The following PPP2R3A variants were observed in gnomAD, a reference collection of about 807,000 sequenced individuals.
PPP2R3A encodes protein phosphatase 2 regulatory subunit B''alpha.
PPP2R3A carries 80 observed loss-of-function variants against 106.9 expected under a neutral mutation model. The observed-to-expected ratio is 0.75, with a 90% CI of 0.62 to 0.90. The LOEUF (loss-of-function observed/expected upper bound fraction) is 0.90. Ranked by LOEUF, PPP2R3A falls within the 40% of genes least tolerant of loss-of-function variation. The probability of loss-of-function intolerance (pLI) is 0.00; values close to 1 mark genes in which losing one functional copy is unlikely to be tolerated. For missense variants in PPP2R3A, 1,386 were observed against 1,350.4 expected (o/e 1.03, Z -0.41); for synonymous variants, 483 against 468.3 (o/e 1.03, Z -0.41).
chr3:136,003,629 T>C (rs1933738586), intron 2 of PPP2R3A, 136 bp downstream of exon 2: 2 of 713,104 alleles, frequency 2.8e-6, no homozygotes, highest in Admixed American at 6.8e-5. Flanking sequence ...ATGATCTCAC[T>C]CAGCTCAGAG....
chr3:136,087,959 A>G (rs1376747473), intron 9 of PPP2R3A, 28 bp downstream of exon 9: 1 of 1,565,044 alleles, frequency 6.4e-7, no homozygotes, highest in East Asian at 2.2e-5. Context: ...GCTGTGTTTA[A>G]AAATGAACTA....
intron 1 of PPP2R3A, among the ~76,000 whole-genome samples, chr3:135,982,391 C>T (rs371955888): frequency 6.6e-6 from 1 of 152,054 alleles, no homozygotes; most frequent in Non-Finnish European, 1.5e-5. Context: ...GTAGGATGTC[C>T]GCTGAATGAA....
intron 4 of PPP2R3A, among the ~76,000 whole-genome samples, chr3:136,048,532 C>T (rs551844519): frequency 2.1e-3 from 327 of 152,104 alleles, no homozygotes; most frequent in Middle Eastern, 0.017. Context: ...ACTAGCCAGG[C>T]GTGGTGGCAT....
At chr3:136,022,553 A>G (rs1309738864) in intron 2 of PPP2R3A, among the ~76,000 whole-genome samples, 3 of 152,122 alleles carry the variant, frequency 2.0e-5, no homozygotes, top group Non-Finnish European at 4.4e-5. Context: ...ATAAAATATT[A>G]AAGAGAAAAA....
chr3:135,988,038 C>T (rs1280180156), intron 1 of PPP2R3A, among the ~76,000 whole-genome samples: 1 of 152,048 alleles, frequency 6.6e-6, no homozygotes, highest in Non-Finnish European at 1.5e-5. Flanking sequence ...GGATCTGTCC[C>T]CTAAACTCCA....
At chr3:136,105,827 GT>G (rs1937501210) in intron 12 of PPP2R3A, among the ~76,000 whole-genome samples, 1 of 151,974 alleles carries the variant, frequency 6.6e-6, no homozygotes, top group African/African-American at 2.4e-5. Flanking sequence ...GGACGTGGTG[GT>G]ACTTGCCTGT....
intron 3 of PPP2R3A, among the ~76,000 whole-genome samples, chr3:136,030,667 T>A (rs1934838326): frequency 6.6e-6 from 1 of 151,886 alleles, no homozygotes; most frequent in Admixed American, 6.6e-5. Context: ...TTTCCATTCC[T>A]GAGTTACTTC....
At chr3:136,030,778 ATATGTATGTATGTATG>A (rs1160535378) in intron 3 of PPP2R3A, among the ~76,000 whole-genome samples, 23 of 111,304 alleles carry the variant, frequency 2.1e-4, no homozygotes, top group South Asian at 6.0e-4. Flanking sequence ...ATATATATAT[ATATGTATGTATGTATG>A]TATGTATGTA....
intron 13 of PPP2R3A, among the ~76,000 whole-genome samples, chr3:136,139,607 C>T (rs527352550): frequency 6.6e-6 from 1 of 151,114 alleles, no homozygotes; most frequent in African/African-American, 2.4e-5. Context: ...GCAGGAGAAT[C>T]GCTTGAACCT....
At chr3:136,139,323 A>G (rs186962384) in intron 13 of PPP2R3A, among the ~76,000 whole-genome samples, 180 of 152,270 alleles carry the variant, frequency 1.2e-3, no homozygotes, top group Non-Finnish European at 2.2e-3. Flanking sequence ...TAGGGAAGTA[A>G]GTTTCTAAAG....
chr3:135,999,843 G>A (rs1933552308), intron 1 of PPP2R3A, among the ~76,000 whole-genome samples: 2 of 151,678 alleles, frequency 1.3e-5, no homozygotes, highest in Non-Finnish European at 1.5e-5. Context: ...GCGTGATCTC[G>A]GCTCACTGCA....
chr3:136,126,734 A>G (rs1004710646), intron 13 of PPP2R3A, among the ~76,000 whole-genome samples: 5 of 152,164 alleles, frequency 3.3e-5, no homozygotes, highest in African/African-American at 9.7e-5. Context: ...GACACCTCCT[A>G]GTAGGGGCCG....
At chr3:136,040,040 A>G (rs1448054853) in intron 3 of PPP2R3A, among the ~76,000 whole-genome samples, 5 of 152,208 alleles carry the variant, frequency 3.3e-5, no homozygotes, top group Admixed American at 3.3e-4. Context: ...TTAAATAGAT[A>G]TGATAGCTGT....
At chr3:136,066,174 C>A (rs1936258413) in intron 5 of PPP2R3A, among the ~76,000 whole-genome samples, 1 of 152,002 alleles carries the variant, frequency 6.6e-6, no homozygotes, top group South Asian at 2.1e-4. Context: ...AGCACAAAGC[C>A]CAGGTAGTTT....
In PPP2R3A at chr3:136,106,250, G is replaced by C. The variant is rs1199183990; in HGVS notation, c.3257G>C (p.Trp1086Ser). Residue 1086 changes from tryptophan to serine, a missense_variant, in exon 13 of 14, where the codon TGG becomes TCG. Physicochemically the swap from Trp to Ser is radical, Grantham distance 177 (BLOSUM62 -3). Coordinates refer to ENST00000264977, the MANE Select transcript of PPP2R3A (RefSeq NM_002718.5). ...AACGATGGGCCTGAGCCCTCAGACT[G>C]GGACCGGTTTGCCGCTGAGGAGTAT... ...VENDGPEPSD[W>S]DRFAAEEYET... is the part of the protein sequence containing the mutation. The C allele has an allele frequency of 6.2e-7, 1 of 1,610,908 alleles. No homozygotes were observed.
intron 2 of PPP2R3A, among the ~76,000 whole-genome samples, chr3:136,022,065 T>C (rs1033293581): frequency 6.6e-6 from 1 of 152,072 alleles, no homozygotes; most frequent in Non-Finnish European, 1.5e-5. Context: ...CAAATAACTA[T>C]ATGAGGCAGA....
At chr3:136,130,739 A>C (rs1240435758) in intron 13 of PPP2R3A, among the ~76,000 whole-genome samples, 1 of 152,278 alleles carries the variant, frequency 6.6e-6, no homozygotes, top group African/African-American at 2.4e-5. Flanking sequence ...AGGAGGCATC[A>C]TGCTACCTGA....
At chr3:136,054,328 G>C (rs1935787187) in intron 5 of PPP2R3A, among the ~76,000 whole-genome samples, 1 of 141,508 alleles carries the variant, frequency 7.1e-6, no homozygotes, top group African/African-American at 2.6e-5. Flanking sequence ...GCACGATCTT[G>C]GCTCACTGCA....
intron 4 of PPP2R3A, among the ~76,000 whole-genome samples, chr3:136,045,558 G>A (rs1316461990): frequency 6.6e-6 from 1 of 152,202 alleles, no homozygotes; most frequent in Non-Finnish European, 1.5e-5. Flanking sequence ...TGACAAACTA[G>A]CTGGTTGGGC....
Sources: gnomAD v4.1 joint callset for allele counts (sites outside exome capture counted in the v4.1 genomes callset) on GRCh38, gnomAD v4.1.1 for gene constraint, MANE v1.5 for transcripts, NCBI Gene and HGNC (gene_info 2026-07-23, HGNC 2026-07-21) for gene names.